Variants in PCDHA3 observed in about 807,000 individuals in gnomAD.
PCDHA3 encodes protocadherin alpha 3, also known as protocadherin alpha-3.
In PCDHA3, 41 loss-of-function variants were observed where a neutral mutation model predicts 62.2. The observed-to-expected ratio is 0.66, with a 90% CI of 0.51 to 0.86. The LOEUF (loss-of-function observed/expected upper bound fraction) is 0.86, where lower values mean the gene tolerates loss of function less well. Ranked by LOEUF, PCDHA3 falls within the 40% of genes least tolerant of loss-of-function variation. The pLI, the probability that PCDHA3 is intolerant of heterozygous loss-of-function variation, is 0.00. For synonymous variants in PCDHA3, 640 were observed against 555.4 expected (o/e 1.15, Z -2.14); for missense variants, 1,304 against 1,241.2 (o/e 1.05, Z -0.76).
rs369053351 is a variant in PCDHA3, at chr5:140,982,539, C to A, written c.2518C>A (p.Pro840Thr). ...AGPGGPDQQW[P>T]TVSSATPEPE... The stretch of plus-strand genomic sequence containing the variant: ...TCCAGGAGGGCCTGATCAGCAGTGG[C>A]CAACAGTATCCAGTGCAACACCAGG... Residue 840 changes from proline (P) to threonine (T), a missense_variant, in exon 3 of 4, where the codon CCA (proline) becomes ACA (threonine). By Grantham distance (38) the Pro-to-Thr change is conservative. Coordinates refer to ENST00000522353, the MANE Select transcript of PCDHA3 (RefSeq NM_018906.3). 29 of 1,614,008 alleles carry A rather than the reference C, an allele frequency of 1.8e-5. No individual in the cohort carries two copies. The highest frequency in any genetic ancestry group is 2.2e-5 in the Non-Finnish European group (26 of 1,180,032).
At chr5:140,828,367 C>T (rs782811756) in intron 1 of PCDHA3, 8 of 1,614,132 alleles carry the variant, frequency 5.0e-6, no homozygotes, top group Non-Finnish European at 6.8e-6. Context: ...GGATCGACCG[C>T]GAGGAGCTGT....
rs116743674 is a variant in PCDHA3, at chr5:140,927,144, A to G, written c.2395-51805A>G. On this transcript the variant is annotated intron_variant, in intron 1 of 3. Transcript: ENST00000522353. ...TGGTCAGAGAGCCGGCGGACCGCGA[A>G]CAGCTGTGCAGGGCCAAAGCTGCCT... 3.2e-3 allele frequency: 5,191 copies of G among 1,614,096 alleles called. 26 individuals are homozygous for G. The highest frequency in any genetic ancestry group is 0.019 in the African/African-American group (1,449 of 75,034).
intron 1 of PCDHA3, chr5:140,853,653 C>G: frequency 3.0e-6 from 3 of 988,604 alleles, no homozygotes; most frequent in Non-Finnish European, 3.7e-6. Flanking sequence ...TGAGCCTGTT[C>G]CAGACAAATT....
chr5:140,865,511 T>C (rs868994454), intron 1 of PCDHA3: 1 of 152,226 alleles, frequency 6.6e-6, no homozygotes, highest in African/African-American at 2.4e-5. Flanking sequence ...TCCTACTTTA[T>C]GGTGCTGGAA....
chr5:140,802,483 A>C lies in PCDHA3; in HGVS notation c.1286A>C (p.Asp429Ala), dbSNP rs998632844. The C allele has an allele frequency of 3.1e-6, 5 of 1,614,118 alleles. No homozygotes were observed. The highest frequency in any genetic ancestry group is 4.2e-6 in the Non-Finnish European group (5 of 1,180,028). Residue 429 changes from aspartate to alanine, a missense_variant, in exon 1 of 4, where the codon GAC becomes GCC. Transcript: ENST00000522353. ...TATGAGCTGGTGGTGACTGCTCGGG[A>C]CGGGGGCTCGCCTTCACTGTGGGCC... Reference protein sequence around the residue: ...SAYELVVTARDGGSPSLWATA... With the variant: ...SAYELVVTARAGGSPSLWATA...
intron 1 of PCDHA3, among the ~76,000 whole-genome samples, chr5:140,907,756 C>A (rs183321184): frequency 6.6e-6 from 1 of 152,146 alleles, no homozygotes; most frequent in African/African-American, 2.4e-5. Flanking sequence ...TGTTCATGGG[C>A]CCATTGGGTG....
At chr5:140,926,590 G>A (rs2083383863) in intron 1 of PCDHA3, 1 of 296,754 alleles carries the variant, frequency 3.4e-6, no homozygotes, top group Non-Finnish European at 6.1e-6. Context: ...CTCGCGCCCG[G>A]GCGGGCGGCC....
intron 1 of PCDHA3, among the ~76,000 whole-genome samples, chr5:140,936,603 C>T (rs552102837): frequency 2.0e-5 from 3 of 152,324 alleles, no homozygotes; most frequent in Admixed American, 6.5e-5. Context: ...CTACTTTCCT[C>T]GCTGCTACTG....
chr5:140,815,045 T>A (rs1042274991), intron 1 of PCDHA3: 4 of 152,212 alleles, frequency 2.6e-5, no homozygotes, highest in South Asian at 2.1e-4. Context: ...GAAATTTTTT[T>A]AATATCCTTT....
At chr5:140,877,156 G>C (rs1471783281) in intron 1 of PCDHA3, 1 of 1,613,810 alleles carries the variant, frequency 6.2e-7, no homozygotes, top group Non-Finnish European at 8.5e-7. Flanking sequence ...GAACGACAAC[G>C]CGCCGGCACT....
At chr5:141,001,536 A>G (rs562513933) in intron 3 of PCDHA3, among the ~76,000 whole-genome samples, 153 of 152,240 alleles carry the variant, frequency 1.0e-3, no homozygotes, top group African/African-American at 3.5e-3. Context: ...CTGATCCTGG[A>G]CAGGATTTGG....
chr5:140,801,057 A>G lies in PCDHA3; in HGVS notation c.-141A>G. On this transcript the variant is annotated 5_prime_UTR_variant, in exon 1 of 4. Coordinates refer to ENST00000522353, the MANE Select transcript of PCDHA3 (RefSeq NM_018906.3). The stretch of plus-strand genomic sequence containing the variant: ...CTCCACAAAAGAAATAACAGCGTGC[A>G]TTACGTATTCAGATACTGCTTTGCT... 6.9e-7 allele frequency: 1 copy of G among 1,449,086 alleles called. No individual in the cohort carries two copies. The highest frequency in any genetic ancestry group is 9.0e-7 in the Non-Finnish European group (1 of 1,106,664). The allele number at this position is 1,449,086 out of a possible 1,614,324, so 89.8% of individuals were successfully genotyped here.
At chr5:140,946,573 A>C (rs1272286008) in intron 1 of PCDHA3, among the ~76,000 whole-genome samples, 1 of 147,140 alleles carries the variant, frequency 6.8e-6, no homozygotes, top group African/African-American at 2.6e-5. Flanking sequence ...GAATCAACTT[A>C]GGTGTTCATA....
chr5:140,918,107 C>T (rs2078522550), intron 1 of PCDHA3, among the ~76,000 whole-genome samples: 1 of 152,132 alleles, frequency 6.6e-6, no homozygotes. Flanking sequence ...AGATCTTTCA[C>T]ATCCTTGATT....
intron 1 of PCDHA3, chr5:140,863,473 C>A (rs966575223): frequency 6.2e-6 from 3 of 487,660 alleles, no homozygotes; most frequent in South Asian, 1.6e-5. Flanking sequence ...TCTGGAGAGT[C>A]GCCTCCCAAG....
intron 1 of PCDHA3, among the ~76,000 whole-genome samples, chr5:140,977,970 A>G (rs531494024): frequency 2.0e-5 from 3 of 152,332 alleles, no homozygotes; most frequent in South Asian, 4.1e-4. Context: ...ATCTCCGCCC[A>G]TGAAAACGCA....
intron 1 of PCDHA3, chr5:140,968,253 C>T: frequency 6.2e-7 from 1 of 1,614,026 alleles, no homozygotes; most frequent in Non-Finnish European, 8.5e-7. Context: ...GCCACAGACC[C>T]AGATGAAAAG....
intron 1 of PCDHA3, chr5:140,852,983 A>T (rs1409156147): frequency 3.0e-6 from 1 of 337,908 alleles, no homozygotes; most frequent in Non-Finnish European, 4.4e-6. Context: ...TGTTCACGCC[A>T]TTCTCCTGCC....
Position 140,845,928 on chromosome 5 carries a change from A to G in PCDHA3, c.2394+42337A>G, listed in dbSNP as rs1394601950. On this transcript the variant is annotated intron_variant, in intron 1 of 3. Coordinates refer to ENST00000522353, the MANE Select transcript of PCDHA3 (RefSeq NM_018906.3). ...CATATTAATCTTATTTTTGTGTAAA[A>G]CTATCTTCTGTAAAGTCATTTTTTA... Among the ~76,000 whole-genome samples the G allele has an allele frequency of 1.3e-5, 2 of 149,652 alleles. 1 individual carries two copies. The highest frequency in any genetic ancestry group is 1.3e-4 in the Admixed American group (2 of 14,942).
Sources: allele counts gnomAD v4.1 joint callset (sites outside exome capture counted in the v4.1 genomes callset), GRCh38; gene constraint gnomAD v4.1.1; transcripts MANE v1.5; gene names NCBI Gene and HGNC (gene_info 2026-07-23, HGNC 2026-07-21).